The following MAPK4 variants were observed in gnomAD, a reference collection of about 807,000 sequenced individuals.
MAPK4 encodes the protein Erk3-related.
Under a neutral mutation model 47.7 loss-of-function variants are expected in MAPK4, and 22 were observed. That is an observed-to-expected ratio of 0.46 (90% CI 0.33 to 0.66). The LOEUF is 0.66. Among genes scored for constraint, MAPK4 ranks in the 30% least tolerant of loss-of-function variants. The pLI, the probability that MAPK4 is intolerant of heterozygous loss-of-function variation, is 0.02. For synonymous variants in MAPK4, 390 were observed against 365.7 expected (o/e 1.07, Z -0.76); for missense variants, 736 against 831.7 (o/e 0.88, Z 1.42).
chr18:50,623,534 G>A (rs1034045108), intron 1 of MAPK4, among the ~76,000 whole-genome samples: 3 of 152,132 alleles, frequency 2.0e-5, no homozygotes, highest in East Asian at 1.9e-4. Context: ...AATGCATCTC[G>A]CATCCCTCTG....
At chr18:50,615,210 A>G (rs998541334) in intron 1 of MAPK4, among the ~76,000 whole-genome samples, 4 of 151,356 alleles carry the variant, frequency 2.6e-5, no homozygotes, top group Non-Finnish European at 5.9e-5. Context: ...TTGGGGGGGG[A>G]GATCCAGGGC....
intron 1 of MAPK4, among the ~76,000 whole-genome samples, chr18:50,661,846 A>G (rs1402627387): frequency 6.6e-6 from 1 of 152,252 alleles, no homozygotes; most frequent in East Asian, 1.9e-4. Context: ...CGAAGATCTG[A>G]CAAATTATCA....
chr18:50,562,413 G>C (rs2042161119), intron 1 of MAPK4, among the ~76,000 whole-genome samples: 1 of 33,114 alleles, frequency 3.0e-5, no homozygotes, highest in African/African-American at 1.1e-4. Flanking sequence ...CTGCATTTTG[G>C]CCAATAAAAA....
intron 2 of MAPK4, chr18:50,704,753 C>A: frequency 2.5e-6 from 1 of 398,536 alleles, no homozygotes; most frequent in South Asian, 1.3e-4. Context: ...TATGTTGTGT[C>A]GTTACCCTCC....
rs556724488 is a variant in MAPK4 at position 50,582,606 on chromosome 18, A to G, written c.-871+22363A>G. On this transcript the variant is annotated intron_variant, in intron 1 of 5. Coordinates refer to ENST00000400384, the MANE Select transcript of MAPK4 (RefSeq NM_002747.4). ...AGAATTCCTTTGGTGCTGCTTCACC[A>G]GCCAGAAATCTCTACAGCTGCTGCT... Among the ~76,000 whole-genome samples the G allele has an allele frequency of 4.6e-5, 7 of 152,378 alleles. No individual in the cohort carries two copies. In the South Asian group the frequency reaches 1.4e-3, roughly 32 times the overall value.
chr18:50,651,425 C>G (rs7244090), intron 1 of MAPK4, among the ~76,000 whole-genome samples: 1 of 152,166 alleles, frequency 6.6e-6, no homozygotes, highest in Non-Finnish European at 1.5e-5. Context: ...GTGTGGAATG[C>G]GCTATGGGCC....
intron 1 of MAPK4, among the ~76,000 whole-genome samples, chr18:50,576,193 A>G (rs1360214528): frequency 6.6e-6 from 1 of 152,164 alleles, no homozygotes; most frequent in African/African-American, 2.4e-5. Context: ...ACATGCATAC[A>G]TATGTTCATC....
chr18:50,691,488 A>T (rs1375793083), intron 2 of MAPK4, among the ~76,000 whole-genome samples: 1 of 152,248 alleles, frequency 6.6e-6, no homozygotes, highest in Non-Finnish European at 1.5e-5. Context: ...TTGCTTTCTG[A>T]TAAGAAAACG....
intron 1 of MAPK4, among the ~76,000 whole-genome samples, chr18:50,561,222 C>T (rs1303785746): frequency 2.6e-5 from 4 of 152,280 alleles, no homozygotes; most frequent in African/African-American, 9.6e-5. Context: ...TCGAGACGTG[C>T]ATTTCCATTC....
At chr18:50,593,308 C>G (rs976218443) in intron 1 of MAPK4, among the ~76,000 whole-genome samples, 6 of 152,208 alleles carry the variant, frequency 3.9e-5, no homozygotes, top group African/African-American at 1.4e-4. Context: ...TTCCCATCGT[C>G]TTTCCATCTG....
At chr18:50,690,328 CT>C (rs1264610151) in intron 2 of MAPK4, among the ~76,000 whole-genome samples, 1 of 152,244 alleles carries the variant, frequency 6.6e-6, no homozygotes, top group African/African-American at 2.4e-5. Context: ...CCCACGCCTA[CT>C]CTTTCAGATC....
intron 1 of MAPK4, among the ~76,000 whole-genome samples, chr18:50,619,246 ATTTG>A (rs1292574057): frequency 6.6e-6 from 1 of 152,234 alleles, no homozygotes; most frequent in Non-Finnish European, 1.5e-5. Context: ...ATCAGCCATG[ATTTG>A]TTTTTCTGTG....
At chr18:50,668,069 A>G (rs2144268413) in intron 2 of MAPK4, among the ~76,000 whole-genome samples, 1 of 152,276 alleles carries the variant, frequency 6.6e-6, no homozygotes, top group South Asian at 2.1e-4. Flanking sequence ...GGAAACACCT[A>G]TTTACATTTA....
chr18:50,689,883 C>T (rs1480419754), intron 2 of MAPK4, among the ~76,000 whole-genome samples: 1 of 152,188 alleles, frequency 6.6e-6, no homozygotes, highest in Non-Finnish European at 1.5e-5. Context: ...CATCCAATAA[C>T]AATAACAACA....
intron 2 of MAPK4, among the ~76,000 whole-genome samples, chr18:50,679,933 A>G (rs982336547): frequency 4.0e-5 from 6 of 151,892 alleles, no homozygotes; most frequent in African/African-American, 1.2e-4. Context: ...CTGGAGACTC[A>G]CTGAGGCCCA....
chr18:50,611,395 A>C (rs1276173035), intron 1 of MAPK4, among the ~76,000 whole-genome samples: 1 of 152,230 alleles, frequency 6.6e-6, no homozygotes, highest in African/African-American at 2.4e-5. Flanking sequence ...GTTTTAAAAA[A>C]TTAAGGTGGA....
At chr18:50,644,481 C>T (rs1179019646) in intron 1 of MAPK4, among the ~76,000 whole-genome samples, 5 of 152,172 alleles carry the variant, frequency 3.3e-5, no homozygotes, top group Non-Finnish European at 5.9e-5. Context: ...AGGGAAGGAA[C>T]TGCTTTCCTT....
At chr18:50,642,673 G>A (rs2042951261) in intron 1 of MAPK4, among the ~76,000 whole-genome samples, 1 of 152,192 alleles carries the variant, frequency 6.6e-6, no homozygotes, top group Non-Finnish European at 1.5e-5. Flanking sequence ...GAACCTGATA[G>A]AATAGTTCTT....
intron 1 of MAPK4, among the ~76,000 whole-genome samples, chr18:50,572,781 T>C (rs1193031313): frequency 6.6e-6 from 1 of 152,240 alleles, no homozygotes; most frequent in East Asian, 1.9e-4. Flanking sequence ...GTTCAGGATT[T>C]GGCTTCTATA....
Sources: gnomAD v4.1 joint callset for allele counts (sites outside exome capture counted in the v4.1 genomes callset) on GRCh38, gnomAD v4.1.1 for gene constraint, MANE v1.5 for transcripts, NCBI Gene and HGNC (gene_info 2026-07-23, HGNC 2026-07-21) for gene names.